Variants in FANCI observed in about 807,000 individuals in gnomAD.
FANCI encodes Fanconi anemia group I protein.
Under a neutral mutation model 176.1 loss-of-function variants are expected in FANCI, and 156 were observed. That is an observed-to-expected ratio of 0.89 (90% confidence interval 0.78 to 1.01). The LOEUF (loss-of-function observed/expected upper bound fraction) is 1.01, where lower values mean the gene tolerates loss of function less well. Ranked by LOEUF, FANCI falls within the 50% of genes least tolerant of loss-of-function variation. The pLI is 0.00. For synonymous variants in FANCI, 613 were observed against 541.7 expected, an observed-to-expected ratio of 1.13 and a Z score of -1.83; for missense variants, 1,678 against 1,534.1, an observed-to-expected ratio of 1.09 and a Z score of -1.57.
Position 89,295,058 on chromosome 15 carries a change from C to G in FANCI, c.2600C>G (p.Pro867Arg). ...GTGAGTGGCCCTGATGGCCAAAACC[C>G]AGAAAAGATCTTTCAGAACCTCTGT... ...GHVSGPDGQNPEKIFQNLCDI... is the reference protein window; with the variant it reads ...GHVSGPDGQNREKIFQNLCDI... The change falls in exon 24 of 38, where the codon CCA (proline) becomes CGA (arginine). Residue 867 changes from proline (P) to arginine (R), a missense_variant. By Grantham distance (103) the Pro-to-Arg change is moderately radical. Transcript: ENST00000310775. 1 of 1,551,946 alleles carries G rather than the reference C, an allele frequency of 6.4e-7. No individual in the cohort carries two copies. Among genetic ancestry groups the G allele is most frequent in the Non-Finnish European group, 8.7e-7 (1 of 1,147,058 alleles).
chr15:89,316,423 G>GAACAAAGAACCAGC lies in FANCI; in HGVS notation c.3952_3965dup (p.Lys1323ThrfsTer13). On this transcript the variant is annotated frameshift_variant, in exon 38 of 38. Transcript: ENST00000310775. LOFTEE classifies it high-confidence loss of function. ...GCACTGCATCAGAGCATGGGGGACA[G>GAACAAAGAACCAGC]AACAAAGAACCAGCCAAGAAGAAAA... 1 of 1,611,868 alleles carries GAACAAAGAACCAGC rather than the reference G, an allele frequency of 6.2e-7. No homozygotes were observed. Among genetic ancestry groups the GAACAAAGAACCAGC allele is most frequent in the Admixed American group, 1.7e-5 (1 of 59,908 alleles).
intron 19 of FANCI, among the ~76,000 whole-genome samples, chr15:89,291,225 C>T (rs932815736): frequency 1.3e-5 from 2 of 151,992 alleles, no homozygotes; most frequent in Non-Finnish European, 2.9e-5. Context: ...TTAATAATAT[C>T]CTCATTTTTA....
chr15:89,313,367 G>T (rs1208258091), intron 35 of FANCI, among the ~76,000 whole-genome samples: 1 of 152,122 alleles, frequency 6.6e-6, no homozygotes, highest in Non-Finnish European at 1.5e-5. Context: ...TCTCAACTCA[G>T]GGATTTTATG....
chr15:89,312,816 TAAAA>T (rs11321073), intron 34 of FANCI, 84 bp from the exon 35 acceptor site: 419 of 863,396 alleles, frequency 4.9e-4, no homozygotes, highest in Middle Eastern at 6.7e-4. Context: ...AGCTCTGTCT[TAAAA>T]AAAAAAAAAA....
intron 24 of FANCI, 45 bp downstream of exon 24, chr15:89,295,139 G>C (rs2054204456): frequency 4.6e-6 from 7 of 1,536,114 alleles, no homozygotes; most frequent in Non-Finnish European, 6.1e-6. Context: ...CTTGGCTGTG[G>C]TGTCTCCAAG....
In FANCI at chr15:89,315,141, C is replaced by A; in HGVS notation, c.3817-141C>A. 3 of 707,778 alleles carry A rather than the reference C, an allele frequency of 4.2e-6. No individual in the cohort carries two copies. The South Asian group carries it at 4.5e-5, about 11-fold the overall frequency. The allele number at this position is 707,778 out of a possible 1,614,324, so 43.8% of individuals were successfully genotyped here. On this transcript the variant is annotated intron_variant, in intron 36 of 37. Coordinates refer to ENST00000310775, the MANE Select transcript of FANCI (RefSeq NM_001113378.2). ...TGTTCTTGATCTGATGACCTGAACC[C>A]CAGCATACAGAAGGAAGTGGGTGCG...
intron 35 of FANCI, among the ~76,000 whole-genome samples, chr15:89,314,141 CCACA>C (rs1176202379): frequency 1.6e-5 from 1 of 63,300 alleles, no homozygotes; most frequent in Non-Finnish European, 3.0e-5. Flanking sequence ...AAACGTAGGA[CCACA>C]CACAAAAATG....
Position 89,261,638 on chromosome 15 carries a change from T to G in FANCI, c.342T>G (p.Ser114Arg). The change falls in exon 5 of 38, where the codon AGT (serine) becomes AGG (arginine). Residue 114 changes from serine (S) to arginine (R), a missense_variant. Around this residue, in one of 3 missense-constraint regions of FANCI, gnomAD observed 469 missense variants for 436.9 expected, o/e 1.07. Transcript: ENST00000310775. ...LLVELANEFI[S>R]AVREGSLVNG... is the part of the protein sequence containing the mutation. ...TTGAATTAGCCAATGAGTTTATTAGTGCTGTCAGAGAAGGCAGCCTAGTGA... is the reference window on the plus strand; with the variant it reads ...TTGAATTAGCCAATGAGTTTATTAGGGCTGTCAGAGAAGGCAGCCTAGTGA... 1 of 1,614,172 alleles carries G rather than the reference T, an allele frequency of 6.2e-7. No individual in the cohort carries two copies. The highest frequency in any genetic ancestry group is 8.5e-7 in the Non-Finnish European group (1 of 1,179,994).
At chr15:89,299,238 C>A (rs2054437568) in intron 24 of FANCI, among the ~76,000 whole-genome samples, 1 of 151,456 alleles carries the variant, frequency 6.6e-6, no homozygotes, top group African/African-American at 2.4e-5. Flanking sequence ...TATCTCTATT[C>A]AAAGAAATTG....
chr15:89,309,216 T>C (rs563045193), intron 34 of FANCI, among the ~76,000 whole-genome samples: 1 of 152,326 alleles, frequency 6.6e-6, no homozygotes, highest in East Asian at 1.9e-4. Flanking sequence ...GCTTGTAAAT[T>C]TTCATGTGGG....
Position 89,316,755 on chromosome 15 carries a change from G to A in FANCI, c.*296G>A, listed in dbSNP as rs1322882473. ...ATACAGAGCCTCCAGGCAGTGCTAT[G>A]GTCCAGGCTGGCTTCGTTTTTCCAA... On this transcript the variant is annotated 3_prime_UTR_variant, in exon 38 of 38. Transcript: ENST00000310775. 2 of 1,611,284 alleles carry A rather than the reference G, an allele frequency of 1.2e-6. No homozygotes were observed. The highest frequency in any genetic ancestry group is 3.3e-5 in the Admixed American group (2 of 60,018).
intron 36 of FANCI, 34 bp from the exon 37 acceptor site, chr15:89,315,248 A>G (rs2055181586): frequency 6.7e-7 from 1 of 1,486,488 alleles, no homozygotes; most frequent in Non-Finnish European, 9.4e-7. Flanking sequence ...ACCTATGAGT[A>G]GGGAGATGTC....
At chr15:89,246,763 CTTTTTTTTTTT>C (rs35104299) in intron 1 of FANCI, among the ~76,000 whole-genome samples, 4 of 113,940 alleles carry the variant, frequency 3.5e-5, no homozygotes, top group Admixed American at 2.0e-4. Flanking sequence ...TTCTTCCTTT[CTTTTTTTTTTT>C]TTTTTTTTTG....
chr15:89,278,626 T>G lies in FANCI; in HGVS notation c.1294-61T>G, dbSNP rs568199268. On this transcript the variant is annotated intron_variant, in intron 13 of 37. Transcript: ENST00000310775. ...GGTTCTTCATGCTGCCTGACATGCA[T>G]TGATATACTTAAAAGCTGAAGGGTC... The G allele has an allele frequency of 2.4e-6, 3 of 1,239,846 alleles. No individual in the cohort carries two copies. In the African/African-American group the frequency reaches 4.4e-5, roughly 18 times the overall value. The allele number at this position is 1,239,846 out of a possible 1,614,324, so 76.8% of individuals were successfully genotyped here.
At chr15:89,298,242 A>T (rs1409037540) in intron 24 of FANCI, among the ~76,000 whole-genome samples, 1 of 152,200 alleles carries the variant, frequency 6.6e-6, no homozygotes, top group Non-Finnish European at 1.5e-5. Context: ...GTATTCACCA[A>T]GATGAGCCAT....
chr15:89,261,221 A>T (rs375473705), intron 4 of FANCI, among the ~76,000 whole-genome samples: 35 of 152,280 alleles, frequency 2.3e-4, no homozygotes, highest in African/African-American at 8.2e-4. Flanking sequence ...CAGTGAGCCG[A>T]GATTGCACCG....
At chr15:89,273,883 TA>T (rs1184123466) in intron 11 of FANCI, among the ~76,000 whole-genome samples, 31 of 152,342 alleles carry the variant, frequency 2.0e-4, no homozygotes, top group Non-Finnish European at 4.0e-4. Flanking sequence ...GGGTAATATT[TA>T]TATTGACTTT....
rs543431700 is a variant in FANCI at position 89,286,977 on chromosome 15, C to CTTTTTTTTTTTTTTTTTTTTTTT, written c.1821+1780_1821+1781insTTTTTTTTTTTTTTTTTTTTTTT. Among the ~76,000 whole-genome samples, 36 of 86,038 alleles carry CTTTTTTTTTTTTTTTTTTTTTTT rather than the reference C, an allele frequency of 4.2e-4. 5 individuals carry two copies. The highest frequency in any genetic ancestry group is 1.6e-3 in the African/African-American group (34 of 21,178). The allele number at this position is 86,038 out of a possible 152,430, so 56.4% of individuals were successfully genotyped here. ...TCAGCATTTGCTGCTTCACCTTGCA[C>CTTTTTTTTTTTTTTTTTTTTTTT]TTTTTTTTTTTTTTTTTTTTTGAGT... is the stretch of plus-strand genomic sequence containing the variant. On this transcript the variant is annotated intron_variant, in intron 18 of 37. Coordinates refer to ENST00000310775, the MANE Select transcript of FANCI (RefSeq NM_001113378.2).
At chr15:89,308,186 A>T in intron 34 of FANCI, 2 of 1,033,024 alleles carry the variant, frequency 1.9e-6, no homozygotes, top group Middle Eastern at 4.8e-4. Context: ...CCTCACCACT[A>T]TTGACATGTT....
Sources: gnomAD v4.1 joint callset for allele counts (sites outside exome capture counted in the v4.1 genomes callset) on GRCh38, gnomAD v4.1.1 for gene constraint, gnomAD v4.1.1 regional missense constraint, MANE v1.5 for transcripts, NCBI Gene and HGNC (gene_info 2026-07-23, HGNC 2026-07-21) for gene names.